ZNF324B: variants seen among roughly 807,000 people sequenced by gnomAD.
ZNF324B encodes zinc finger protein 324B.
Under a neutral mutation model 10.6 loss-of-function variants are expected in ZNF324B, and 7 were observed. The observed-to-expected ratio is 0.66, with a 90% CI of 0.38 to 1.24. The LOEUF (loss-of-function observed/expected upper bound fraction) is 1.24. ZNF324B is among the 50% of genes most tolerant of loss of function. The pLI, the probability that ZNF324B is intolerant of heterozygous loss-of-function variation, is 0.02. For missense variants in ZNF324B, 640 were observed against 764.7 expected (o/e 0.84, Z 1.92); for synonymous variants, 316 against 321.0 (o/e 0.98, Z 0.17).
At chr19:58,438,472 A>ATT in the ZNF324B span, among the ~76,000 whole-genome samples, 3,801 of 129,794 alleles carry the variant, frequency 0.029, 265 homozygotes, top group African/African-American at 0.1. Context: ...TCTAAGGTCA[A>ATT]TTTTTTTTTT....
the ZNF324B span, chr19:58,435,359 G>A: frequency 1.1e-6 from 1 of 870,602 alleles, no homozygotes; most frequent in Non-Finnish European, 1.7e-6. Flanking sequence ...GGTGAAGAAG[G>A]GCCCATTACT....
At chr19:58,427,407 C>CTTTCTTTCT in the ZNF324B span, among the ~76,000 whole-genome samples, 3 of 30,812 alleles carry the variant, frequency 9.7e-5, no homozygotes, top group Non-Finnish European at 1.7e-4. Flanking sequence ...TCTTTCTTTC[C>CTTTCTTTCT]TTCCTTCCTT....
chr19:58,428,125 A>G, the ZNF324B span, among the ~76,000 whole-genome samples: 1 of 152,160 alleles, frequency 6.6e-6, no homozygotes, highest in Non-Finnish European at 1.5e-5. Context: ...TGTGGTTATC[A>G]TTGTCCATCC....
the ZNF324B span, among the ~76,000 whole-genome samples, chr19:58,427,438 CCTTCCTTT>C: frequency 8.9e-3 from 280 of 31,576 alleles, 9 homozygotes; most frequent in East Asian, 0.042. Context: ...TTCCTTCCTT[CCTTCCTTT>C]CCTTTCCCTT....
chr19:58,424,613 G>C, the ZNF324B span, among the ~76,000 whole-genome samples: 1 of 152,162 alleles, frequency 6.6e-6, no homozygotes, highest in East Asian at 1.9e-4. Context: ...GGAGCAACTA[G>C]AACTCTCAGT....
intron 1 of ZNF324B, chr19:58,452,027 C>A: frequency 4.7e-6 from 1 of 213,956 alleles, no homozygotes; most frequent in Non-Finnish European, 9.6e-6. Context: ...ACACAGACTG[C>A]GCCCCCACGG....
At chr19:58,435,023 G>T in the ZNF324B span, 1 of 1,614,110 alleles carries the variant, frequency 6.2e-7, no homozygotes, top group African/African-American at 1.3e-5. Flanking sequence ...CATGTGTAGG[G>T]TTTCTCCTCA....
upstream of ZNF324B, among the ~76,000 whole-genome samples, chr19:58,450,047 G>T (rs988201261): frequency 1.3e-5 from 2 of 152,126 alleles, no homozygotes; most frequent in South Asian, 4.1e-4. Flanking sequence ...CCCAGTTAGA[G>T]GTAACTGAGT....
Position 58,455,860 on chromosome 19 carries a change from A to G in ZNF324B, c.916A>G (p.Ile306Val). 6.2e-7 allele frequency: 1 copy of G among 1,612,856 alleles called. No homozygotes were observed. Among genetic ancestry groups the G allele is most frequent in the Non-Finnish European group, 8.5e-7 (1 of 1,179,454 alleles). Residue 306 changes from isoleucine (I) to valine (V), a missense_variant, in exon 4 of 4, where the codon ATC becomes GTC. Ile to Val is a conservative substitution (Grantham distance 29). Transcript: ENST00000336614. This position sits in a 1 kb window ranked among gnomAD's most constrained non-coding sequence, Gnocchi z 7.0. The stretch of plus-strand genomic sequence containing the variant: ...GTCGCACTTGACGCAGCACCAGCGC[A>G]TCCACAGCGGCGAGACGCCCTACGC... ...QTSHLTQHQR[I>V]HSGETPYACP...
chr19:58,427,366 CTTTCTTTCTTT>C, the ZNF324B span, among the ~76,000 whole-genome samples: 69 of 41,926 alleles, frequency 1.6e-3, 1 homozygote, highest in African/African-American at 4.5e-3. Flanking sequence ...TTCTTTCTTT[CTTTCTTTCTTT>C]CTTTCTTTCT....
Position 58,455,367 on chromosome 19 carries a change from G to T in ZNF324B, c.423G>T (p.Val141=). Residue 141 remains valine, a synonymous_variant, in exon 4 of 4, where the codon GTG becomes GTT. Transcript: ENST00000336614. This position sits in a 1 kb window ranked among gnomAD's most constrained non-coding sequence, Gnocchi z 7.0. ...SQERKPTGVS[V]IYWERLLLGS... is the part of the protein sequence containing the mutation. ...AGAGAAAACCCACGGGGGTGTCGGT[G>T]ATCTACTGGGAGAGGCTCCTGCTAG... is the stretch of plus-strand genomic sequence containing the variant. 1 of 1,614,214 alleles carries T rather than the reference G, an allele frequency of 6.2e-7. No individual in the cohort carries two copies. Among genetic ancestry groups the T allele is most frequent in the Non-Finnish European group, 8.5e-7 (1 of 1,180,034 alleles).
chr19:58,440,389 C>T, the ZNF324B span: 3 of 153,692 alleles, frequency 2.0e-5, no homozygotes, highest in African/African-American at 7.2e-5. Context: ...CATTGGCAGC[C>T]GAGGAGACAG....
At chr19:58,436,907 C>G in the ZNF324B span, 30 of 1,151,906 alleles carry the variant, frequency 2.6e-5, no homozygotes, top group Non-Finnish European at 3.8e-5. Flanking sequence ...CACAGCAGAA[C>G]CTCAGCACCC....
the ZNF324B span, among the ~76,000 whole-genome samples, chr19:58,424,001 A>G: frequency 2.0e-5 from 3 of 152,008 alleles, no homozygotes; most frequent in African/African-American, 4.8e-5. Flanking sequence ...GCACTTTGGG[A>G]GGCCGAGGCG....
chr19:58,457,520 AC>A lies in ZNF324B; in HGVS notation c.*946del, dbSNP rs2052934292. The A allele has an allele frequency of 1.6e-4, 3 of 19,274 alleles. No homozygotes were observed. The highest frequency in any genetic ancestry group is 2.3e-4 in the Non-Finnish European group (2 of 8,666). 1.2% of individuals were successfully genotyped at this position (19,274 alleles called of 1,614,324 possible). Reference sequence around the variant, plus strand: ...GATTTGGTGGCCGATCCCCGCCCCCACCCCCACCCCCTCCATCTCACCTTTC... The same window carrying A: ...GATTTGGTGGCCGATCCCCGCCCCCACCCCACCCCCTCCATCTCACCTTTC... On this transcript the variant is annotated 3_prime_UTR_variant, in exon 4 of 4. Coordinates refer to ENST00000336614, the MANE Select transcript of ZNF324B (RefSeq NM_207395.3).
the ZNF324B span, among the ~76,000 whole-genome samples, chr19:58,438,743 G>T: frequency 6.7e-6 from 1 of 149,144 alleles, no homozygotes; most frequent in East Asian, 2.0e-4. Flanking sequence ...AAAGTGCTGG[G>T]ATTACAGGCG....
chr19:58,448,775 G>A (rs1346264333), upstream of ZNF324B, among the ~76,000 whole-genome samples: 3 of 152,114 alleles, frequency 2.0e-5, no homozygotes, highest in South Asian at 4.1e-4. Flanking sequence ...AAATTTCTAA[G>A]CAGCAAAGCA....
At chr19:58,433,204 T>A in the ZNF324B span, 2 of 1,100,892 alleles carry the variant, frequency 1.8e-6, no homozygotes, top group Non-Finnish European at 1.3e-6. Context: ...GAGTAGCTTC[T>A]GAAGGCTTTT....
chr19:58,453,826 A>G lies in ZNF324B; in HGVS notation c.121+4A>G. On this transcript the variant is annotated splice_donor_region_variant and intron_variant, in intron 2 of 3. Transcript: ENST00000336614. ...TTCACACTTGTGACCTCACTTGGTAAGGCCCTGGGTGCTCCATGAAAAGTG... is the reference window on the plus strand; with the variant it reads ...TTCACACTTGTGACCTCACTTGGTAGGGCCCTGGGTGCTCCATGAAAAGTG... 8.7e-6 allele frequency: 14 copies of G among 1,613,096 alleles called. No individual in the cohort carries two copies. Among genetic ancestry groups the G allele is most frequent in the Non-Finnish European group, 1.2e-5 (14 of 1,179,312 alleles).
Sources: gnomAD v4.1 joint callset for allele counts (sites outside exome capture counted in the v4.1 genomes callset) on GRCh38, gnomAD v4.1.1 for gene constraint, Gnocchi (gnomAD v3.1) non-coding constraint, MANE v1.5 for transcripts, NCBI Gene and HGNC (gene_info 2026-07-23, HGNC 2026-07-21) for gene names.